The following SPINK5 variants were observed in gnomAD, a reference collection of about 807,000 sequenced individuals.
SPINK5 encodes serine peptidase inhibitor Kazal type 5, also known as serine protease inhibitor Kazal-type 5.
A neutral mutation model predicts 151.8 loss-of-function variants in SPINK5; 125 were observed. The observed-to-expected ratio is 0.82, with a 90% CI of 0.71 to 0.96. SPINK5 has a LOEUF of 0.96. Ranked by LOEUF, SPINK5 falls within the 40% of genes least tolerant of loss-of-function variation. The pLI is 0.00. For missense variants in SPINK5, 1,194 were observed against 1,291.9 expected, an observed-to-expected ratio of 0.92 and a Z score of 1.16; for synonymous variants, 374 against 395.3, an observed-to-expected ratio of 0.95 and a Z score of 0.64.
chr5:148,084,448 G>A (rs2113041596), intron 4 of SPINK5, among the ~76,000 whole-genome samples: 1 of 151,944 alleles, frequency 6.6e-6, no homozygotes, highest in African/African-American at 2.4e-5. Flanking sequence ...CCACCTAGGG[G>A]TTTGGAGGGG....
chr5:148,117,703 C>T (rs1754132609), intron 22 of SPINK5, among the ~76,000 whole-genome samples: 1 of 151,972 alleles, frequency 6.6e-6, no homozygotes, highest in Non-Finnish European at 1.5e-5. Context: ...ATAAAAAATA[C>T]AGGATTTGTG....
intron 10 of SPINK5, among the ~76,000 whole-genome samples, chr5:148,096,928 C>T (rs1753484984): frequency 6.6e-6 from 1 of 151,308 alleles, no homozygotes; most frequent in South Asian, 2.1e-4. Flanking sequence ...ATAGCTTAAG[C>T]CTCATTTTGA....
chr5:148,099,358 T>C, intron 12 of SPINK5, 43 bp downstream of exon 12: 3 of 1,574,124 alleles, frequency 1.9e-6, no homozygotes, highest in Non-Finnish European at 2.6e-6. Context: ...GTGCTATAAT[T>C]TGAACAAATT....
intron 6 of SPINK5, 21 bp from the exon 7 acceptor site, chr5:148,089,473 G>C (rs777765026): frequency 1.9e-6 from 3 of 1,611,270 alleles, no homozygotes; most frequent in African/African-American, 2.7e-5. Flanking sequence ...TAAGTTTCAA[G>C]TTCTTTTCCC....
chr5:148,067,060 T>C (rs1752604642), intron 2 of SPINK5, among the ~76,000 whole-genome samples: 1 of 152,192 alleles, frequency 6.6e-6, no homozygotes, highest in Non-Finnish European at 1.5e-5. Context: ...ATGTTAAATG[T>C]CATAAACATG....
At chr5:148,131,524 A>G in intron 31 of SPINK5, 135 bp downstream of exon 31, 1 of 1,269,764 alleles carries the variant, frequency 7.9e-7, no homozygotes, top group Admixed American at 1.8e-5. Flanking sequence ...TAAAAATTCA[A>G]AATTTGTGAA....
intron 30 of SPINK5, among the ~76,000 whole-genome samples, chr5:148,127,790 C>T (rs763887941): frequency 7.2e-5 from 11 of 152,020 alleles, no homozygotes; most frequent in Non-Finnish European, 1.5e-4. Context: ...CCCAGGTGGT[C>T]GAGGCTACCA....
intron 17 of SPINK5, among the ~76,000 whole-genome samples, chr5:148,107,367 A>T (rs1031293254): frequency 1.3e-5 from 2 of 152,178 alleles, no homozygotes; most frequent in African/African-American, 2.4e-5. Context: ...TTTTCCAATT[A>T]AGTCAAGGGA....
chr5:148,109,149 G>A (rs1753856510), intron 18 of SPINK5, among the ~76,000 whole-genome samples: 1 of 152,130 alleles, frequency 6.6e-6, no homozygotes, highest in Non-Finnish European at 1.5e-5. Context: ...AGAGACAGAT[G>A]TTCAGATTTT....
chr5:148,073,676 T>C (rs984633090), intron 4 of SPINK5, among the ~76,000 whole-genome samples: 4 of 151,694 alleles, frequency 2.6e-5, no homozygotes, highest in Non-Finnish European at 4.4e-5. Flanking sequence ...TTAACAAACC[T>C]ATCTAAAAAA....
chr5:148,119,030 C>A lies in SPINK5; in HGVS notation c.2285C>A (p.Ser762Ter). The change falls in exon 24 of 33, where the codon TCA (serine) becomes TAA (stop). Residue 762 changes from serine (S) to a stop codon, truncating the protein, a stop_gained. Transcript: ENST00000256084. LOFTEE classifies it high-confidence loss of function. ...AAAAATGAGTATTCTCGCTCCAGATCAAATGGGACTGGATCAGAATCAGGG... is the reference window on the plus strand; with the variant it reads ...AAAAATGAGTATTCTCGCTCCAGATAAAATGGGACTGGATCAGAATCAGGG... Reference protein sequence around the residue: ...ERKNEYSRSRSNGTGSESGKD... With the variant: ...ERKNEYSRSR 6.2e-7 allele frequency: 1 copy of A among 1,614,016 alleles called. No homozygotes were observed. Among genetic ancestry groups the A allele is most frequent in the South Asian group, 1.1e-5 (1 of 91,042 alleles).
intron 9 of SPINK5, 27 bp from the exon 10 acceptor site, chr5:148,095,790 CT>C: frequency 6.4e-7 from 1 of 1,563,518 alleles, no homozygotes; most frequent in Non-Finnish European, 8.8e-7. Flanking sequence ...TCGGAAGCAT[CT>C]CTACTCATTT....
chr5:148,101,497 T>A (rs1251286562), intron 14 of SPINK5, 61 bp downstream of exon 14: 2 of 1,334,100 alleles, frequency 1.5e-6, no homozygotes, highest in African/African-American at 2.9e-5. Context: ...CAGATCATGT[T>A]CAGGGAACAC....
intron 26 of SPINK5, among the ~76,000 whole-genome samples, chr5:148,123,512 A>ATTAT (rs1561703850): frequency 1.7e-5 from 2 of 120,948 alleles, no homozygotes; most frequent in African/African-American, 7.0e-5. Flanking sequence ...GCAGTGGTGC[A>ATTAT]ATATATGTGT....
chr5:148,124,055 C>T, intron 27 of SPINK5, 95 bp downstream of exon 27: 1 of 1,364,274 alleles, frequency 7.3e-7, no homozygotes, highest in Non-Finnish European at 1.0e-6. Context: ...CTTGGCATCA[C>T]ACATTAATGA....
chr5:148,129,514 T>TG (rs1754522566), intron 30 of SPINK5, among the ~76,000 whole-genome samples: 6 of 30,796 alleles, frequency 1.9e-4, no homozygotes, highest in Non-Finnish European at 6.4e-4. Context: ...GTTAAAAAAA[T>TG]GAAGAGAGAG....
chr5:148,064,169 C>T, intron 1 of SPINK5, 70 bp downstream of exon 1: 1 of 1,572,544 alleles, frequency 6.4e-7, no homozygotes, highest in Non-Finnish European at 8.7e-7. Context: ...GACTTTTCTC[C>T]CCCTACTCCT....
chr5:148,087,003 C>G (rs917459268), intron 5 of SPINK5, among the ~76,000 whole-genome samples: 11 of 151,054 alleles, frequency 7.3e-5, no homozygotes, highest in African/African-American at 2.7e-4. Flanking sequence ...CATATATATA[C>G]ATACACACAT....
chr5:148,079,770 C>T (rs1280634769), intron 4 of SPINK5, among the ~76,000 whole-genome samples: 10 of 150,980 alleles, frequency 6.6e-5, no homozygotes, highest in Admixed American at 3.3e-4. Context: ...TGATAAAGAA[C>T]GTCTGTGAAA....
Sources: gnomAD v4.1 joint callset for allele counts (sites outside exome capture counted in the v4.1 genomes callset) on GRCh38, gnomAD v4.1.1 for gene constraint, MANE v1.5 for transcripts, NCBI Gene and HGNC (gene_info 2026-07-23, HGNC 2026-07-21) for gene names.